CAPN3: variants seen among roughly 807,000 people sequenced by gnomAD.
CAPN3 encodes calpain 3.
In CAPN3, 88 loss-of-function variants were observed where a neutral mutation model predicts 114.0. The ratio of observed to expected loss-of-function variants is 0.77; its 90% CI spans 0.65 to 0.92. CAPN3 has a LOEUF of 0.92. CAPN3 is among the 40% of genes least tolerant of loss of function. The pLI, the probability that CAPN3 is intolerant of heterozygous loss-of-function variation, is 0.00. For missense variants in CAPN3, 1,028 were observed against 1,069.0 expected (o/e 0.96, Z 0.53); for synonymous variants, 386 against 382.9 (o/e 1.01, Z -0.09).
intron 14 of CAPN3, chr15:42,404,382 T>C (rs752509658): frequency 2.4e-5 from 11 of 456,360 alleles, no homozygotes; most frequent in South Asian, 1.5e-4. Context: ...ACTTTTCACA[T>C]GTGTCATCGC....
At chr15:42,409,475 G>C (rs2054136711) in intron 17 of CAPN3, 95 bp downstream of exon 17, 3 of 1,276,312 alleles carry the variant, frequency 2.4e-6, no homozygotes, top group Non-Finnish European at 3.4e-6. Flanking sequence ...GTTTGGTAGA[G>C]GTCACTTTGG....
chr15:42,402,075 C>T lies in CAPN3; in HGVS notation c.1525-49C>T, dbSNP rs751279684. 100 of 1,613,068 alleles carry T rather than the reference C, an allele frequency of 6.2e-5. 1 individual carries two copies. Among genetic ancestry groups the T allele is most frequent in the Non-Finnish European group, 8.5e-5 (100 of 1,179,514 alleles). On this transcript the variant is annotated intron_variant, in intron 11 of 23. Transcript: ENST00000397163. ...TGCTGGCATTGCCTTCCGCAGGCTCCTCATCCTCATTCACATCTGAAGCAT... is the reference window on the plus strand; with the variant it reads ...TGCTGGCATTGCCTTCCGCAGGCTCTTCATCCTCATTCACATCTGAAGCAT...
rs1317287471 is a variant in CAPN3 at position 42,411,481 on chromosome 15, G to A, written c.2439+136G>A. 3 of 900,798 alleles carry A rather than the reference G, an allele frequency of 3.3e-6. No homozygotes were observed. The African/African-American group carries it at 4.9e-5, about 15-fold the overall frequency. The allele number at this position is 900,798 out of a possible 1,614,324, so 55.8% of individuals were successfully genotyped here. The stretch of plus-strand genomic sequence containing the variant: ...GGAAGGGATAGGAACAGAACATGGA[G>A]GGAGGCTCAGCAGGCTCCCAGGACA... On this transcript the variant is annotated intron_variant, in intron 23 of 23. Coordinates refer to ENST00000397163, the MANE Select transcript of CAPN3 (RefSeq NM_000070.3).
intron 8 of CAPN3, among the ~76,000 whole-genome samples, chr15:42,396,074 C>T (rs2053678668): frequency 4.6e-5 from 7 of 152,158 alleles, no homozygotes; most frequent in Admixed American, 4.6e-4. Context: ...AACAGCTTTG[C>T]ATGCATTATT....
intron 17 of CAPN3, 142 bp from the exon 18 acceptor site, chr15:42,409,645 C>T (rs2054143188): frequency 3.3e-6 from 3 of 900,954 alleles, no homozygotes; most frequent in Admixed American, 1.7e-5. Context: ...CTGTCTTCCT[C>T]AGAAAAGCCC....
intron 1 of CAPN3, among the ~76,000 whole-genome samples, chr15:42,371,032 T>C (rs1313830121): frequency 6.6e-6 from 1 of 152,120 alleles, no homozygotes. Flanking sequence ...AAAATGAAAA[T>C]TCCTACTTTC....
At chr15:42,389,920 G>A (rs2053508943) in intron 5 of CAPN3, 33 bp from the exon 6 acceptor site, 44 of 1,612,870 alleles carry the variant, frequency 2.7e-5, no homozygotes, top group Non-Finnish European at 3.6e-5. Context: ...TCCCTCCCCT[G>A]TGTTGTTCCC....
At chr15:42,402,567 C>T (rs968272919) in intron 12 of CAPN3, 1 of 1,479,120 alleles carries the variant, frequency 6.8e-7, no homozygotes. Context: ...TGGTAAGTGT[C>T]CCTGAGTGTG....
chr15:42,366,832 TTTTTTTTC>T (rs1030238455), intron 1 of CAPN3, among the ~76,000 whole-genome samples: 2 of 143,428 alleles, frequency 1.4e-5, no homozygotes, highest in African/African-American at 5.7e-5. Context: ...TTTTTTCTTT[TTTTTTTTC>T]TTTTTTTTTT....
intron 15 of CAPN3, 84 bp from the exon 16 acceptor site, chr15:42,408,127 C>A: frequency 1.1e-6 from 1 of 872,176 alleles, no homozygotes; most frequent in Non-Finnish European, 1.9e-6. Context: ...CTGGATAAAG[C>A]TGCTCCAAGA....
chr15:42,362,351 A>C (rs1192541434), intron 1 of CAPN3, among the ~76,000 whole-genome samples: 1 of 152,262 alleles, frequency 6.6e-6, no homozygotes, highest in South Asian at 2.1e-4. Flanking sequence ...TGAGTCTTCA[A>C]GCGAGACTTA....
rs569866483 is a variant in CAPN3, at chr15:42,402,943, G to A, written c.1686G>A (p.Glu562=). Residue 562 remains glutamate (E), a synonymous_variant, in exon 13 of 24, where the codon GAG becomes GAA. Transcript: ENST00000397163. ...ACGTCATCGTGCCCTCCACCTACGA[G>A]CCCCACCAGGAGGGGGAATTCATCC... The part of the protein sequence containing the change: ...SEYVIVPSTY[E]PHQEGEFILR... The A allele has an allele frequency of 3.4e-5, 55 of 1,614,106 alleles. 1 individual carries two copies. In the South Asian group the frequency reaches 5.7e-4, roughly 17 times the overall value.
intron 10 of CAPN3, 136 bp from the exon 11 acceptor site, chr15:42,401,505 C>A: frequency 2.7e-6 from 1 of 368,452 alleles, no homozygotes; most frequent in Non-Finnish European, 5.3e-6. Context: ...TAGAGAAATG[C>A]CTGAATCGTG....
chr15:42,406,769 T>C (rs1425521720), intron 15 of CAPN3, among the ~76,000 whole-genome samples: 1 of 152,090 alleles, frequency 6.6e-6, no homozygotes, highest in Non-Finnish European at 1.5e-5. Context: ...GCAGGGATGC[T>C]CCATGGCCAC....
chr15:42,370,864 A>G (rs2052925196), intron 1 of CAPN3, among the ~76,000 whole-genome samples: 1 of 152,158 alleles, frequency 6.6e-6, no homozygotes. Context: ...GCATAACACA[A>G]TGATGTTATG....
At chr15:42,360,702 A>G (rs1016723246) in intron 1 of CAPN3, among the ~76,000 whole-genome samples, 2 of 152,192 alleles carry the variant, frequency 1.3e-5, no homozygotes, top group Non-Finnish European at 2.9e-5. Flanking sequence ...ACCTCACCTC[A>G]TAAGTGAGGA....
rs973027049 is a variant in CAPN3, at chr15:42,402,336, A to G, written c.1536+201A>G. The G allele has an allele frequency of 6.6e-5, 99 of 1,497,014 alleles. No homozygotes were observed. In the African/African-American group the frequency reaches 1.3e-3, roughly 20 times the overall value. The allele number at this position is 1,497,014 out of a possible 1,614,324, so 92.7% of individuals were successfully genotyped here. A position where few individuals can be genotyped will look rare whatever the true frequency, so the allele number is the denominator to read the frequency against. On this transcript the variant is annotated intron_variant, in intron 12 of 23. Coordinates refer to ENST00000397163, the MANE Select transcript of CAPN3 (RefSeq NM_000070.3). ...CATGACTACCACCCCCAGGATGTGC[A>G]CTTTCTCCCTCGCACCAGACACTGC...
intron 23 of CAPN3, 54 bp from the exon 24 acceptor site, chr15:42,411,693 G>GGT (rs1269853000): frequency 1.4e-6 from 1 of 708,860 alleles, no homozygotes. Context: ...TAGGGCGGGG[G>GGT]GGGGGGGGGT....
intron 8 of CAPN3, 114 bp downstream of exon 8, chr15:42,394,455 C>A (rs2053639553): frequency 4.7e-6 from 4 of 852,578 alleles, no homozygotes; most frequent in Admixed American, 2.1e-5. Flanking sequence ...AAATCACCCT[C>A]AAAACCAATG....
Sources: allele counts gnomAD v4.1 joint callset (sites outside exome capture counted in the v4.1 genomes callset), GRCh38; gene constraint gnomAD v4.1.1; transcripts MANE v1.5; gene names NCBI Gene and HGNC (gene_info 2026-07-23, HGNC 2026-07-21).